Variants in TNNI3K observed in about 807,000 individuals in gnomAD.
TNNI3K encodes the protein TNNI3 interacting kinase.
Under a neutral mutation model 114.5 loss-of-function variants are expected in TNNI3K, and 140 were observed. That is an observed-to-expected ratio of 1.22 (90% CI 1.07 to 1.41). TNNI3K has a LOEUF of 1.41. TNNI3K is among the 40% of genes most tolerant of loss of function. The pLI, the probability that TNNI3K is intolerant of heterozygous loss-of-function variation, is 0.00. For synonymous variants in TNNI3K, 347 were observed against 347.5 expected, an observed-to-expected ratio of 1.00 and a Z score of 0.02; for missense variants, 1,125 against 1,007.6, an observed-to-expected ratio of 1.12 and a Z score of -1.58.
intron 21 of TNNI3K, chr1:74,471,072 G>A: frequency 2.5e-6 from 1 of 400,754 alleles, no homozygotes; most frequent in Non-Finnish European, 4.4e-6. Context: ...GTGAGTGCCT[G>A]TGCTCAGCAT....
intron 17 of TNNI3K, among the ~76,000 whole-genome samples, chr1:74,434,425 T>C (rs576312207): frequency 5.9e-5 from 9 of 152,140 alleles, no homozygotes; most frequent in East Asian, 1.9e-4. Flanking sequence ...AATTCAGTCT[T>C]TGCCTGTCTT....
At chr1:74,424,930 G>GA (rs1336234762) in intron 17 of TNNI3K, among the ~76,000 whole-genome samples, 1 of 151,888 alleles carries the variant, frequency 6.6e-6, no homozygotes, top group African/African-American at 2.4e-5. Context: ...TGTGCAAAGA[G>GA]AAAAAAAGTA....
intron 17 of TNNI3K, among the ~76,000 whole-genome samples, chr1:74,426,935 A>G (rs1374620129): frequency 6.6e-6 from 1 of 152,142 alleles, no homozygotes; most frequent in African/African-American, 2.4e-5. Context: ...AATATAGGAA[A>G]AAGAATAGTT....
At chr1:74,253,804 G>A (rs543268189) in intron 4 of TNNI3K, among the ~76,000 whole-genome samples, 1 of 152,224 alleles carries the variant, frequency 6.6e-6, no homozygotes, top group African/African-American at 2.4e-5. Flanking sequence ...CCACAGTGCA[G>A]CAGCGGGCTG....
chr1:74,255,660 A>G (rs1360373639), intron 4 of TNNI3K, among the ~76,000 whole-genome samples: 2 of 152,336 alleles, frequency 1.3e-5, no homozygotes, highest in East Asian at 1.9e-4. Flanking sequence ...ACCAAATACA[A>G]TTATCAATTT....
intron 17 of TNNI3K, among the ~76,000 whole-genome samples, chr1:74,415,782 G>T (rs569539671): frequency 1.3e-5 from 2 of 149,194 alleles, no homozygotes; most frequent in African/African-American, 2.5e-5. Flanking sequence ...TCCCGTTCTT[G>T]GTTTTAGATT....
chr1:74,269,763 A>G (rs976936177), intron 4 of TNNI3K, among the ~76,000 whole-genome samples: 2 of 151,864 alleles, frequency 1.3e-5, no homozygotes, highest in African/African-American at 4.8e-5. Context: ...GGCAAAATAT[A>G]TGGGACTCAG....
chr1:74,347,985 G>C (rs1661111755), intron 9 of TNNI3K, among the ~76,000 whole-genome samples: 1 of 152,186 alleles, frequency 6.6e-6, no homozygotes, highest in Admixed American at 6.5e-5. Flanking sequence ...TTGCTGTGCA[G>C]AAGTTCTTTA....
chr1:74,388,892 G>A (rs1384138652), intron 17 of TNNI3K, among the ~76,000 whole-genome samples: 2 of 152,206 alleles, frequency 1.3e-5, no homozygotes, highest in East Asian at 1.9e-4. Context: ...GGGAAGTCCA[G>A]CACAGTACAG....
chr1:74,457,061 T>C lies in TNNI3K; in HGVS notation c.2012-6380T>C, dbSNP rs144400451. 1.2e-4 allele frequency among the ~76,000 whole-genome samples: 18 copies of C among 152,272 alleles called. No homozygotes were observed. In the East Asian group the frequency reaches 3.5e-3, roughly 29 times the overall value. On this transcript the variant is annotated intron_variant, in intron 20 of 24. Coordinates refer to ENST00000326637, the MANE Select transcript of TNNI3K (RefSeq NM_015978.3). ...TTCTGGATATAATAACTTCATAGGA[T>C]ACAAACACACTGATGATGTGGACTG...
chr1:74,393,678 A>AG (rs1346840241), intron 17 of TNNI3K, among the ~76,000 whole-genome samples: 1 of 152,170 alleles, frequency 6.6e-6, no homozygotes, highest in Non-Finnish European at 1.5e-5. Context: ...TTTTGGCACC[A>AG]GGGAGCAGTT....
At chr1:74,242,690 A>C (rs544176190) in intron 2 of TNNI3K, among the ~76,000 whole-genome samples, 13 of 152,326 alleles carry the variant, frequency 8.5e-5, no homozygotes, top group East Asian at 7.7e-4. Context: ...AACAAAAAAA[A>C]CCCTCAAATC....
intron 17 of TNNI3K, among the ~76,000 whole-genome samples, chr1:74,383,117 G>T (rs1402841559): frequency 6.7e-6 from 1 of 150,180 alleles, no homozygotes; most frequent in Non-Finnish European, 1.5e-5. Context: ...AAGACATTCT[G>T]AGTCTTCTTC....
intron 20 of TNNI3K, among the ~76,000 whole-genome samples, chr1:74,451,887 T>G (rs1667045306): frequency 6.6e-6 from 1 of 151,734 alleles, no homozygotes; most frequent in Non-Finnish European, 1.5e-5. Flanking sequence ...ATCACCCTAG[T>G]GCAAACTGCC....
At chr1:74,284,788 ATAAC>A (rs1343777817) in intron 5 of TNNI3K, among the ~76,000 whole-genome samples, 1 of 152,222 alleles carries the variant, frequency 6.6e-6, no homozygotes, top group Non-Finnish European at 1.5e-5. Context: ...TAGGATATAA[ATAAC>A]TCCCACAAGC....
chr1:74,257,022 G>T (rs2100862579), intron 4 of TNNI3K, among the ~76,000 whole-genome samples: 1 of 152,178 alleles, frequency 6.6e-6, no homozygotes, highest in Admixed American at 6.5e-5. Flanking sequence ...AAATACATAT[G>T]TTAGATTGTT....
At chr1:74,426,498 T>C (rs1665647279) in intron 17 of TNNI3K, among the ~76,000 whole-genome samples, 1 of 152,026 alleles carries the variant, frequency 6.6e-6, no homozygotes, top group Non-Finnish European at 1.5e-5. Context: ...CCTCGTCTGC[T>C]TGACACATGT....
intron 17 of TNNI3K, among the ~76,000 whole-genome samples, chr1:74,427,021 G>T (rs1263700174): frequency 6.6e-6 from 1 of 152,084 alleles, no homozygotes; most frequent in Non-Finnish European, 1.5e-5. Context: ...ATCATTTAAT[G>T]ATCTTTTCCT....
intron 2 of TNNI3K, among the ~76,000 whole-genome samples, chr1:74,243,980 T>C (rs996504243): frequency 6.6e-6 from 1 of 152,114 alleles, no homozygotes; most frequent in East Asian, 1.9e-4. Flanking sequence ...GAATTTGACA[T>C]ACACAGTTAC....
Sources: allele counts gnomAD v4.1 joint callset (sites outside exome capture counted in the v4.1 genomes callset), GRCh38; gene constraint gnomAD v4.1.1; transcripts MANE v1.5; gene names NCBI Gene and HGNC (gene_info 2026-07-23, HGNC 2026-07-21).